The following FBXO28 variants were observed in gnomAD, a reference collection of about 807,000 sequenced individuals.
FBXO28 encodes the protein F-box only protein 28.
A neutral mutation model predicts 38.1 loss-of-function variants in FBXO28; 8 were observed. That is an observed-to-expected ratio of 0.21 (90% CI 0.12 to 0.38). The LOEUF (loss-of-function observed/expected upper bound fraction) is 0.38. Ranked by LOEUF, FBXO28 falls within the 10% of genes least tolerant of loss-of-function variation. The pLI is 1.00. For synonymous variants in FBXO28, 168 were observed against 173.8 expected, an observed-to-expected ratio of 0.97 and a Z score of 0.26; for missense variants, 345 against 460.6, an observed-to-expected ratio of 0.75 and a Z score of 2.30.
chr1:224,157,044 A>G (rs1378460752), intron 4 of FBXO28, among the ~76,000 whole-genome samples: 1 of 151,840 alleles, frequency 6.6e-6, no homozygotes, highest in Non-Finnish European at 1.5e-5. Context: ...TACTGCTTGT[A>G]TTTTGTTACT....
chr1:224,134,306 T>A, intron 3 of FBXO28, 94 bp downstream of exon 3: 1 of 1,242,972 alleles, frequency 8.0e-7, no homozygotes, highest in South Asian at 1.4e-5. Context: ...GTTAGAATTG[T>A]TTCTACTTCT....
intron 3 of FBXO28, among the ~76,000 whole-genome samples, chr1:224,136,492 G>C (rs907071067): frequency 6.6e-6 from 1 of 151,846 alleles, no homozygotes; most frequent in Non-Finnish European, 1.5e-5. Flanking sequence ...AGGAGGCCAA[G>C]GTGGGCGGAT....
At chr1:224,150,859 C>T (rs1420916136) in intron 3 of FBXO28, among the ~76,000 whole-genome samples, 4 of 152,116 alleles carry the variant, frequency 2.6e-5, no homozygotes, top group Admixed American at 1.3e-4. Context: ...AAATTATTTT[C>T]CTGTTTAGCT....
At chr1:224,145,061 C>T (rs899901088) in intron 3 of FBXO28, among the ~76,000 whole-genome samples, 8 of 151,496 alleles carry the variant, frequency 5.3e-5, no homozygotes, top group Non-Finnish European at 8.8e-5. Flanking sequence ...TCGAGTGGAT[C>T]GCTTGAGGTC....
chr1:224,155,948 A>T (rs1572028367), intron 4 of FBXO28, among the ~76,000 whole-genome samples: 2 of 152,366 alleles, frequency 1.3e-5, no homozygotes, highest in East Asian at 3.9e-4. Flanking sequence ...ATGTCAAATG[A>T]GAGCAGAGAA....
Position 224,161,053 on chromosome 1 carries a change from G to A in FBXO28, c.*3307G>A, listed in dbSNP as rs1011521854. The A allele has an allele frequency of 1.3e-5, 2 of 152,124 alleles. No individual in the cohort carries two copies. Among genetic ancestry groups the A allele is most frequent in the Admixed American group, 6.6e-5 (1 of 15,250 alleles). The allele number at this position is 152,124 out of a possible 1,614,324, so 9.4% of individuals were successfully genotyped here. On this transcript the variant is annotated 3_prime_UTR_variant, in exon 5 of 5. Coordinates refer to ENST00000366862, the MANE Select transcript of FBXO28 (RefSeq NM_015176.4). ...GCACTTTAATCTCCAAAGAAACGAT[G>A]TATGATGTCCCACTTGTTCCTTATT... is the stretch of plus-strand genomic sequence containing the variant.
At chr1:224,153,859 T>C (rs953763563) in intron 4 of FBXO28, among the ~76,000 whole-genome samples, 6 of 151,434 alleles carry the variant, frequency 4.0e-5, no homozygotes, top group Admixed American at 4.0e-4. Flanking sequence ...AGGCAGAGGT[T>C]GCAGTGAGCC....
At chr1:224,149,762 G>A (rs1335821092) in intron 3 of FBXO28, among the ~76,000 whole-genome samples, 2 of 152,186 alleles carry the variant, frequency 1.3e-5, no homozygotes, top group African/African-American at 4.8e-5. Flanking sequence ...TTCTGAAGGG[G>A]AATAAAGGGT....
intron 3 of FBXO28, among the ~76,000 whole-genome samples, chr1:224,139,023 T>C (rs1011718060): frequency 6.6e-6 from 1 of 151,696 alleles, no homozygotes; most frequent in African/African-American, 2.4e-5. Context: ...GACCTTGTGA[T>C]GCGCCCACCT....
chr1:224,141,708 A>G lies in FBXO28; in HGVS notation c.516+7496A>G, dbSNP rs559244930. Among the ~76,000 whole-genome samples, 3 of 152,146 alleles carry G rather than the reference A, an allele frequency of 2.0e-5. No individual in the cohort carries two copies. The South Asian group carries it at 6.2e-4, about 32-fold the overall frequency. On this transcript the variant is annotated intron_variant, in intron 3 of 4. Transcript: ENST00000366862. ...GTGATTATAACACAATCATATTTGT[A>G]TATCTAAACATAGAAAAGGTACAGT... is the stretch of plus-strand genomic sequence containing the variant.
intron 1 of FBXO28, 23 bp downstream of exon 1, chr1:224,114,419 G>A: frequency 6.6e-7 from 1 of 1,521,360 alleles, no homozygotes. Context: ...CAGAACTCCT[G>A]CCTCCCTCTC....
chr1:224,119,162 C>A (rs1572004401), intron 1 of FBXO28, among the ~76,000 whole-genome samples: 1 of 98,814 alleles, frequency 1.0e-5, no homozygotes, highest in Admixed American at 1.6e-4. Flanking sequence ...TTGACGGAAT[C>A]TCGCTCTGTC....
chr1:224,119,136 T>TTTTC (rs1553287737), intron 1 of FBXO28, among the ~76,000 whole-genome samples: 1 of 494 alleles, frequency 2.0e-3, no homozygotes, highest in Admixed American at 0.029. Context: ...CTTTTTTTTC[T>TTTTC]TTTTTTTTTT....
In FBXO28 at chr1:224,114,147, G is replaced by C; in HGVS notation, c.18G>C (p.Glu6Asp). 6 of 1,543,118 alleles carry C rather than the reference G, an allele frequency of 3.9e-6. No individual in the cohort carries two copies. The highest frequency in any genetic ancestry group is 5.2e-6 in the Non-Finnish European group (6 of 1,143,792). Residue 6 changes from glutamate to aspartate, a missense_variant, in exon 1 of 5, where the codon GAG (glutamate) becomes GAC (aspartate). This residue lies in a region of FBXO28 where 104 missense variants were observed against 82.0 expected (regional missense o/e 1.27). Coordinates refer to ENST00000366862, the MANE Select transcript of FBXO28 (RefSeq NM_015176.4). ...CCCCCAAGATGGCGGCAGCGGCGGAGGAGCGGATGGCAGAGGAAGGAGGCG... is the reference window on the plus strand; with the variant it reads ...CCCCCAAGATGGCGGCAGCGGCGGACGAGCGGATGGCAGAGGAAGGAGGCG... MAAAA[E>D]ERMAEEGGGG...
chr1:224,127,891 C>T (rs139991218), intron 1 of FBXO28, among the ~76,000 whole-genome samples: 268 of 152,186 alleles, frequency 1.8e-3, no homozygotes, highest in African/African-American at 5.9e-3. Context: ...TGGGTGACAG[C>T]GAAACTCTGT....
At chr1:224,156,964 T>C (rs1045040800) in intron 4 of FBXO28, among the ~76,000 whole-genome samples, 1 of 147,802 alleles carries the variant, frequency 6.8e-6, no homozygotes, top group Non-Finnish European at 1.5e-5. Context: ...ATCACGCCAC[T>C]GCACTCCAGC....
chr1:224,158,331 A>G lies in FBXO28; in HGVS notation c.*585A>G. The G allele has an allele frequency of 1.6e-6, 1 of 632,982 alleles. No individual in the cohort carries two copies. Among genetic ancestry groups the G allele is most frequent in the Non-Finnish European group, 2.0e-6 (1 of 507,968 alleles). The allele number at this position is 632,982 out of a possible 1,614,324, so 39.2% of individuals were successfully genotyped here. ...TACAATATTGACTATATATTTTTAT[A>G]AACTACTGGCAAGGAACTTACCCAG... On this transcript the variant is annotated 3_prime_UTR_variant, in exon 5 of 5. Transcript: ENST00000366862.
In FBXO28 at chr1:224,157,941, C is replaced by T; in HGVS notation, c.*195C>T. 3 of 1,399,250 alleles carry T rather than the reference C, an allele frequency of 2.1e-6. No homozygotes were observed. The highest frequency in any genetic ancestry group is 1.7e-5 in the South Asian group (1 of 58,698). The allele number at this position is 1,399,250 out of a possible 1,614,324, so 86.7% of individuals were successfully genotyped here. A position where few individuals can be genotyped will look rare whatever the true frequency, so the allele number is the denominator to read the frequency against. On this transcript the variant is annotated 3_prime_UTR_variant, in exon 5 of 5. Coordinates refer to ENST00000366862, the MANE Select transcript of FBXO28 (RefSeq NM_015176.4). The stretch of plus-strand genomic sequence containing the variant: ...TGAACTGATGCACAGAATCTTTTTA[C>T]TTTGCAATAGATTTGTACTAACCAG...
intron 3 of FBXO28, among the ~76,000 whole-genome samples, chr1:224,149,751 G>A (rs1324900627): frequency 1.3e-5 from 2 of 152,174 alleles, no homozygotes; most frequent in Admixed American, 6.6e-5. Context: ...TGTAATGTGT[G>A]TTCTGAAGGG....
Sources: gnomAD v4.1 joint callset for allele counts (sites outside exome capture counted in the v4.1 genomes callset) on GRCh38, gnomAD v4.1.1 for gene constraint, gnomAD v4.1.1 regional missense constraint, MANE v1.5 for transcripts, NCBI Gene and HGNC (gene_info 2026-07-23, HGNC 2026-07-21) for gene names.